ALK: variants seen among roughly 807,000 people sequenced by gnomAD.
ALK encodes the protein ALK tyrosine kinase receptor.
ALK carries 74 observed loss-of-function variants against 163.1 expected under a neutral mutation model. That is an observed-to-expected ratio of 0.45 (90% CI 0.38 to 0.55). The LOEUF is 0.55. ALK is among the 20% of genes least tolerant of loss of function. ALK has a pLI of 0.00. For synonymous variants in ALK, 960 were observed against 843.2 expected, an observed-to-expected ratio of 1.14 and a Z score of -2.40; for missense variants, 2,063 against 2,105.3, an observed-to-expected ratio of 0.98 and a Z score of 0.39.
intron 3 of ALK, among the ~76,000 whole-genome samples, chr2:29,539,997 T>C (rs1418400471): frequency 6.6e-6 from 1 of 152,164 alleles, no homozygotes; most frequent in Non-Finnish European, 1.5e-5. Flanking sequence ...TCAGTTAGAA[T>C]CTGTTTTCTT....
intron 4 of ALK, among the ~76,000 whole-genome samples, chr2:29,438,934 AC>A (rs1670469453): frequency 6.6e-6 from 1 of 152,136 alleles, no homozygotes; most frequent in Non-Finnish European, 1.5e-5. Context: ...TCCAGGGGCC[AC>A]CCATCTTTCT....
At chr2:29,438,754 T>C (rs1172892598) in intron 4 of ALK, among the ~76,000 whole-genome samples, 2 of 152,140 alleles carry the variant, frequency 1.3e-5, no homozygotes, top group Admixed American at 6.5e-5. Flanking sequence ...ATGAAGCAAA[T>C]ACCTTAGACT....
intron 1 of ALK, among the ~76,000 whole-genome samples, chr2:29,870,632 CA>C (rs1666554814): frequency 1.3e-5 from 2 of 152,038 alleles, no homozygotes; most frequent in South Asian, 4.1e-4. Flanking sequence ...ATCATGCTTA[CA>C]AAGACTTTTT....
intron 3 of ALK, among the ~76,000 whole-genome samples, chr2:29,676,741 C>G (rs1245845963): frequency 6.6e-6 from 1 of 152,000 alleles, no homozygotes; most frequent in East Asian, 1.9e-4. Flanking sequence ...GAAATACCAT[C>G]TTGAAGCTAT....
rs762395127 is a variant in ALK at position 29,239,796 on chromosome 2, C to T, written c.2239G>A (p.Gly747Arg). ...TGGGACCGCATCATGGTGTTCTTCC[C>T]GCCTTTCCCGCCAGCAGCTCCGTAG... ...SGYGAAGGKG[G>R]KNTMMRSHGV... The change falls in exon 13 of 29, where the codon GGG (glycine) becomes AGG (arginine). Residue 747 changes from glycine (G) to arginine (R), a missense_variant. Gly to Arg is a moderately radical substitution (Grantham distance 125). Transcript: ENST00000389048. 41 of 1,613,744 alleles carry T rather than the reference C, an allele frequency of 2.5e-5. No homozygotes were observed. Among genetic ancestry groups the T allele is most frequent in the South Asian group, 2.5e-4 (23 of 91,088 alleles).
chr2:29,250,088 C>T (rs762644176), intron 12 of ALK, among the ~76,000 whole-genome samples: 3 of 152,128 alleles, frequency 2.0e-5, no homozygotes, highest in South Asian at 4.1e-4. Flanking sequence ...CCGGAGGCTG[C>T]GGGGAGAGGA....
chr2:29,408,426 G>C (rs1196064170), intron 4 of ALK, among the ~76,000 whole-genome samples: 2 of 152,060 alleles, frequency 1.3e-5, no homozygotes, highest in Non-Finnish European at 2.9e-5. Flanking sequence ...CAGGAGCTCA[G>C]GATGGAGTGG....
chr2:29,670,445 C>T (rs1677646154), intron 3 of ALK, among the ~76,000 whole-genome samples: 1 of 151,914 alleles, frequency 6.6e-6, no homozygotes, highest in South Asian at 2.1e-4. Flanking sequence ...ACTGCAGCAT[C>T]CTCTCTTTGT....
At chr2:29,860,285 T>G (rs185489652) in intron 1 of ALK, among the ~76,000 whole-genome samples, 74 of 151,802 alleles carry the variant, frequency 4.9e-4, no homozygotes, top group African/African-American at 1.7e-3. Flanking sequence ...TCCTACCATA[T>G]GGCAACTGCC....
At chr2:29,209,539 T>G in intron 25 of ALK, among the ~76,000 whole-genome samples, 1 of 108,360 alleles carries the variant, frequency 9.2e-6, no homozygotes, top group African/African-American at 4.1e-5. Context: ...CGAAACTCCG[T>G]CTCAAAAAAA....
At chr2:29,535,757 C>T (rs979602919) in intron 3 of ALK, among the ~76,000 whole-genome samples, 1 of 152,298 alleles carries the variant, frequency 6.6e-6, no homozygotes. Flanking sequence ...TCTAAGGATT[C>T]TTACAGCCCC....
At chr2:29,337,140 G>T (rs1216895708) in intron 5 of ALK, among the ~76,000 whole-genome samples, 1 of 152,212 alleles carries the variant, frequency 6.6e-6, no homozygotes. Flanking sequence ...GTTAATGGGG[G>T]TATTAGAAGG....
At chr2:29,511,656 CA>C (rs1672520331) in intron 4 of ALK, among the ~76,000 whole-genome samples, 3 of 152,102 alleles carry the variant, frequency 2.0e-5, no homozygotes, top group South Asian at 4.1e-4. Flanking sequence ...AATGTCCAGA[CA>C]GGGAGTAGAA....
At position 29,740,085 on chromosome 2, in the gene ALK, G is replaced by A. The variant is rs565412158; in HGVS notation, c.668-22388C>T. On this transcript the variant is annotated intron_variant, in intron 1 of 28. Transcript: ENST00000389048. ...CCATACATACTCATTCCCTAGTTTA[G>A]TAGAACCTCAGAGAGCTACTGCATT... Among the ~76,000 whole-genome samples the A allele has an allele frequency of 6.6e-5, 10 of 152,200 alleles. 1 individual carries two copies. In the South Asian group the frequency reaches 1.9e-3, roughly 28 times the overall value.
At position 29,920,089 on chromosome 2, in the gene ALK, G is replaced by C. The variant is rs1667948891; in HGVS notation, c.571C>G (p.Pro191Ala). The C allele has an allele frequency of 6.2e-7, 1 of 1,614,048 alleles. No individual in the cohort carries two copies. The highest frequency in any genetic ancestry group is 1.1e-5 in the South Asian group (1 of 91,092). Reference sequence around the variant, plus strand: ...CCCACTTCCGACGCCTTCTTCTCGGGCATCAGGCGGATCCTCAGTCGCCCT... The same window carrying C: ...CCCACTTCCGACGCCTTCTTCTCGGCCATCAGGCGGATCCTCAGTCGCCCT... ...GEGRLRIRLMPEKKASEVGRE... is the reference protein window; with the variant it reads ...GEGRLRIRLMAEKKASEVGRE... The change falls in exon 1 of 29, where the codon CCC (proline) becomes GCC (alanine). Residue 191 changes from proline to alanine, a missense_variant. Pro to Ala is a conservative substitution (Grantham distance 27). Coordinates refer to ENST00000389048, the MANE Select transcript of ALK (RefSeq NM_004304.5).
chr2:29,595,843 G>A (rs1675198717), intron 3 of ALK, among the ~76,000 whole-genome samples: 1 of 152,208 alleles, frequency 6.6e-6, no homozygotes, highest in Admixed American at 6.5e-5. Context: ...CAGGGAATAA[G>A]TTTTCTGAAG....
At chr2:29,363,314 C>T (rs887395070) in intron 5 of ALK, among the ~76,000 whole-genome samples, 10 of 152,204 alleles carry the variant, frequency 6.6e-5, no homozygotes, top group African/African-American at 1.7e-4. Context: ...GGGCCTTCAC[C>T]GATGACAGCT....
intron 5 of ALK, among the ~76,000 whole-genome samples, chr2:29,345,584 T>G (rs566642192): frequency 6.6e-6 from 1 of 152,158 alleles, no homozygotes; most frequent in Admixed American, 6.5e-5. Flanking sequence ...TTAAAAACTT[T>G]GTATTTAAGA....
At chr2:29,215,915 C>G (rs535301725) in intron 23 of ALK, among the ~76,000 whole-genome samples, 1 of 152,286 alleles carries the variant, frequency 6.6e-6, no homozygotes, top group East Asian at 1.9e-4. Context: ...CCTGGGTTGT[C>G]AGGAGCACCC....
Sources: gnomAD v4.1 joint callset for allele counts (sites outside exome capture counted in the v4.1 genomes callset) on GRCh38, gnomAD v4.1.1 for gene constraint, MANE v1.5 for transcripts, NCBI Gene and HGNC (gene_info 2026-07-23, HGNC 2026-07-21) for gene names.